Variants in KCNG2 observed in about 807,000 individuals in gnomAD.
KCNG2 encodes voltage-gated potassium channel regulatory subunit KCNG2.
In KCNG2, 7 loss-of-function variants were observed where a neutral mutation model predicts 12.3. The ratio of observed to expected loss-of-function variants is 0.57; its 90% CI spans 0.32 to 1.07. The LOEUF (loss-of-function observed/expected upper bound fraction) is 1.07, where lower values mean the gene tolerates loss of function less well. Ranked by LOEUF, KCNG2 falls within the 50% of genes least tolerant of loss-of-function variation. KCNG2 has a pLI of 0.04. For missense variants in KCNG2, 703 were observed against 726.0 expected, an observed-to-expected ratio of 0.97 and a Z score of 0.36; for synonymous variants, 414 against 351.4, an observed-to-expected ratio of 1.18 and a Z score of -1.99.
chr18:79,830,194 C>T (rs1275357353), intron 1 of KCNG2, among the ~76,000 whole-genome samples: 3 of 152,158 alleles, frequency 2.0e-5, no homozygotes, highest in African/African-American at 4.8e-5. Context: ...GAAGACGAAT[C>T]GTGTCCATCT....
intron 3 of KCNG2, among the ~76,000 whole-genome samples, chr18:79,888,434 G>GTTCTCATTC: frequency 1.4e-5 from 2 of 139,046 alleles, no homozygotes; most frequent in Admixed American, 1.4e-4. Flanking sequence ...CCGCGGTGGG[G>GTTCTCATTC]CCGGGACGGC....
At chr18:79,874,392 G>A (rs556773019) in intron 3 of KCNG2, among the ~76,000 whole-genome samples, 20 of 152,332 alleles carry the variant, frequency 1.3e-4, no homozygotes, top group African/African-American at 4.1e-4. Context: ...AGGAGTGAAC[G>A]GGGCACACCT....
rs1215714714 is a variant in KCNG2 at position 79,884,154 on chromosome 18, C to T, written c.625-14886C>T. Among the ~76,000 whole-genome samples the T allele has an allele frequency of 1.3e-5, 2 of 152,198 alleles. No individual in the cohort carries two copies. The highest frequency in any genetic ancestry group is 2.9e-5 in the Non-Finnish European group (2 of 68,024). The stretch of plus-strand genomic sequence containing the variant: ...ACAGGCCGACCTCTCTCTGCCAGCA[C>T]GAAGCCAGAGCTCAGCTCCCCAGCA... On this transcript the variant is annotated intron_variant, in intron 3 of 3. Coordinates refer to ENST00000316249, the MANE Select transcript of KCNG2 (RefSeq NM_012283.2). The surrounding 1 kb of genome is among the most constrained non-coding windows in gnomAD (Gnocchi z 5.5).
chr18:79,846,554 G>A (rs945177340), intron 1 of KCNG2, among the ~76,000 whole-genome samples: 1 of 152,150 alleles, frequency 6.6e-6, no homozygotes, highest in African/African-American at 2.4e-5. Context: ...AATCTCCTGA[G>A]TCATATTTTA....
intron 1 of KCNG2, among the ~76,000 whole-genome samples, chr18:79,810,131 A>G (rs2087483637): frequency 6.6e-6 from 1 of 152,244 alleles, no homozygotes; most frequent in Non-Finnish European, 1.5e-5. Context: ...TCTCATGTGC[A>G]AAGGCAGAAT....
intron 2 of KCNG2, among the ~76,000 whole-genome samples, 54 bp downstream of exon 2, chr18:79,856,506 T>A (rs1979014435): frequency 6.6e-6 from 1 of 152,176 alleles, no homozygotes. Flanking sequence ...ACTGGGATTA[T>A]CATTTTCCAT....
rs533478556 is a variant in KCNG2, at chr18:79,858,319, C to T, written c.-41+1867C>T. On this transcript the variant is annotated intron_variant, in intron 2 of 3. Transcript: ENST00000316249. The stretch of plus-strand genomic sequence containing the variant: ...GCCCAGCTCGGACATTTTATATAAA[C>T]GGATTCCCAGTATATGTGACCTTTT... Among the ~76,000 whole-genome samples, 7 of 152,328 alleles carry T rather than the reference C, an allele frequency of 4.6e-5. No individual in the cohort carries two copies. In the East Asian group the frequency reaches 5.8e-4, roughly 13 times the overall value.
intron 3 of KCNG2, among the ~76,000 whole-genome samples, chr18:79,896,306 T>A (rs1980973997): frequency 6.6e-6 from 1 of 152,216 alleles, no homozygotes; most frequent in Non-Finnish European, 1.5e-5. Context: ...TTTAGTTCTT[T>A]CTTTTAGTGG....
intron 1 of KCNG2, among the ~76,000 whole-genome samples, chr18:79,851,761 GTGTGAC>G (rs386805551): frequency 8.3e-5 from 2 of 24,082 alleles, no homozygotes; most frequent in Non-Finnish European, 4.0e-3. Flanking sequence ...GTATGTGTGT[GTGTGAC>G]TGTGAATGCG....
At position 79,863,591 on chromosome 18, in the gene KCNG2, GC is replaced by G. The variant is rs1421350319; in HGVS notation, c.-40-34del. On this transcript the variant is annotated intron_variant, in intron 2 of 3. Coordinates refer to ENST00000316249, the MANE Select transcript of KCNG2 (RefSeq NM_012283.2). ...CGGGCGGACGCGCTCCCCCAGCTCA[GC>G]CCTCGCGACCCTAACGCGGTCCGTT... 2.0e-5 allele frequency: 23 copies of G among 1,159,232 alleles called. No individual in the cohort carries two copies. In the South Asian group the frequency reaches 3.8e-4, roughly 19 times the overall value. 71.8% of individuals were successfully genotyped at this position (1,159,232 alleles called of 1,614,324 possible). A position where few individuals can be genotyped will look rare whatever the true frequency, so the allele number is the denominator to read the frequency against.
At chr18:79,880,964 T>C (rs979896599) in intron 3 of KCNG2, among the ~76,000 whole-genome samples, 3 of 152,244 alleles carry the variant, frequency 2.0e-5, no homozygotes, top group Admixed American at 1.3e-4. Flanking sequence ...CTTTTCCTGA[T>C]AGAGAACATC....
chr18:79,865,300 G>T (rs1340984110), intron 3 of KCNG2, among the ~76,000 whole-genome samples: 1 of 135,054 alleles, frequency 7.4e-6, no homozygotes, highest in East Asian at 2.5e-4. Flanking sequence ...GTGTGCTGAG[G>T]TCTGGGTGCT....
chr18:79,848,994 G>A (rs1156982822), intron 1 of KCNG2, among the ~76,000 whole-genome samples: 1 of 152,156 alleles, frequency 6.6e-6, no homozygotes, highest in Non-Finnish European at 1.5e-5. Context: ...AAGTAAAAGA[G>A]CCGTGGATAA....
Position 79,863,931 on chromosome 18 carries a change from G to A in KCNG2, c.264G>A (p.Gly88=). The change falls in exon 3 of 4, where the codon GGG becomes GGA. Residue 88 remains glycine, a synonymous_variant. Coordinates refer to ENST00000316249, the MANE Select transcript of KCNG2 (RefSeq NM_012283.2). ...FRAIVALLRA[G]KLRLLRGPCA... ...CCATCGTGGCGCTTTTGCGCGCAGGGAAGCTGCGACTGCTGCGGGGCCCGT... is the reference window on the plus strand; with the variant it reads ...CCATCGTGGCGCTTTTGCGCGCAGGAAAGCTGCGACTGCTGCGGGGCCCGT... 1.5e-6 allele frequency: 2 copies of A among 1,367,612 alleles called. No individual in the cohort carries two copies. The highest frequency in any genetic ancestry group is 1.6e-5 in the South Asian group (1 of 61,642). 84.7% of individuals were successfully genotyped at this position (1,367,612 alleles called of 1,614,324 possible). A position where few individuals can be genotyped will look rare whatever the true frequency, so the allele number is the denominator to read the frequency against.
chr18:79,797,943 C>G lies in KCNG2; in HGVS notation c.-186C>G, dbSNP rs929388911. 3.3e-5 allele frequency among the ~76,000 whole-genome samples: 5 copies of G among 151,582 alleles called. No homozygotes were observed. The highest frequency in any genetic ancestry group is 1.2e-4 in the African/African-American group (5 of 41,326). On this transcript the variant is annotated 5_prime_UTR_variant, in exon 1 of 4. Coordinates refer to ENST00000316249, the MANE Select transcript of KCNG2 (RefSeq NM_012283.2). ...GAGTCCGGGATGCCGGCTCCAGAGA[C>G]GCCGCGCTCCGCCCCGAGGAGGCCG... is the stretch of plus-strand genomic sequence containing the variant.
At position 79,863,916 on chromosome 18, in the gene KCNG2, G is replaced by A; in HGVS notation, c.249G>A (p.Ala83=). 1 of 1,392,550 alleles carries A rather than the reference G, an allele frequency of 7.2e-7. No individual in the cohort carries two copies. The highest frequency in any genetic ancestry group is 9.4e-7 in the Non-Finnish European group (1 of 1,068,676). 86.3% of individuals were successfully genotyped at this position (1,392,550 alleles called of 1,614,324 possible). A position where few individuals can be genotyped will look rare whatever the true frequency, so the allele number is the denominator to read the frequency against. ...CGTGCGCCTTCCGCGCCATCGTGGC[G>A]CTTTTGCGCGCAGGGAAGCTGCGAC... The part of the protein sequence containing the change: ...RSPCAFRAIV[A]LLRAGKLRLL... Residue 83 remains alanine (A), a synonymous_variant, in exon 3 of 4, where the codon GCG becomes GCA. Coordinates refer to ENST00000316249, the MANE Select transcript of KCNG2 (RefSeq NM_012283.2).
chr18:79,826,094 G>A (rs2123012988), intron 1 of KCNG2, among the ~76,000 whole-genome samples: 1 of 152,394 alleles, frequency 6.6e-6, no homozygotes, highest in South Asian at 2.1e-4. Flanking sequence ...GACCTTGGAG[G>A]AAGCGGGCGC....
rs780140470 is a variant in KCNG2, at chr18:79,899,383, G to A, written c.968G>A (p.Gly323Glu). Residue 323 changes from glycine to glutamate, a missense_variant, in exon 4 of 4, where the codon GGG (glycine) becomes GAG (glutamate). Coordinates refer to ENST00000316249, the MANE Select transcript of KCNG2 (RefSeq NM_012283.2). ...LTMRRCAREF[G>E]LLLLFLCVAM... is the part of the protein sequence containing the mutation. ...ATGCGCCGCTGCGCGCGCGAGTTCG[G>A]GCTGCTGCTGCTGTTCCTCTGCGTG... The A allele has an allele frequency of 8.3e-6, 13 of 1,567,014 alleles. No individual in the cohort carries two copies. In the East Asian group the frequency reaches 9.4e-5, roughly 11 times the overall value.
At chr18:79,829,284 GTGTC>G (rs1978289683) in intron 1 of KCNG2, among the ~76,000 whole-genome samples, 1 of 151,354 alleles carries the variant, frequency 6.6e-6, no homozygotes, top group Non-Finnish European at 1.5e-5. Context: ...GTCTGTGTGT[GTGTC>G]TGCATGTATC....
Sources: allele counts gnomAD v4.1 joint callset (sites outside exome capture counted in the v4.1 genomes callset), GRCh38; gene constraint gnomAD v4.1.1; non-coding constraint Gnocchi (gnomAD v3.1); transcripts MANE v1.5; gene names NCBI Gene and HGNC (gene_info 2026-07-23, HGNC 2026-07-21).